The following DUT variants were observed in gnomAD, a reference collection of about 807,000 sequenced individuals.
DUT encodes the protein deoxyuridine triphosphatase, also known as deoxyuridine 5'-triphosphate nucleotidohydrolase, mitochondrial.
DUT carries 21 observed loss-of-function variants against 28.8 expected under a neutral mutation model. The observed-to-expected ratio is 0.73, with a 90% CI of 0.52 to 1.05. DUT has a LOEUF of 1.05. Ranked by LOEUF, DUT falls within the 50% of genes least tolerant of loss-of-function variation. The pLI is 0.00. For synonymous variants in DUT, 147 were observed against 143.7 expected, an observed-to-expected ratio of 1.02 and a Z score of -0.17; for missense variants, 344 against 351.8, an observed-to-expected ratio of 0.98 and a Z score of 0.18.
In DUT at chr15:48,336,216, TAGG is replaced by T. The variant is rs749514959; in HGVS notation, c.556+131_556+133del. On this transcript the variant is annotated intron_variant, in intron 4 of 6. Transcript: ENST00000331200. ...ATGATTAGAGGAAAGCTTGTTATAA[TAGG>T]AGGAAAAGCTTTGTGGTTATTTTAA... 9.4e-4 allele frequency: 688 copies of T among 728,932 alleles called. 1 individual carries two copies. The highest frequency in any genetic ancestry group is 9.2e-4 in the Non-Finnish European group (444 of 483,718). 45.2% of individuals were successfully genotyped at this position (728,932 alleles called of 1,614,324 possible). A position where few individuals can be genotyped will look rare whatever the true frequency, so the allele number is the denominator to read the frequency against.
At chr15:48,331,908 TG>T in intron 1 of DUT, 113 bp downstream of exon 1, 1 of 26,430 alleles carries the variant, frequency 3.8e-5, no homozygotes, top group Non-Finnish European at 6.7e-5. Context: ...GCGGGGGGGG[TG>T]GGGTGGTCCA....
In DUT at chr15:48,332,367, C is replaced by A. The variant is rs1306851233; in HGVS notation, c.380C>A (p.Thr127Asn). The A allele has an allele frequency of 6.3e-7, 1 of 1,593,180 alleles. No individual in the cohort carries two copies. ...ARLSEHATAP[T>N]RGSARAAGYD... is the part of the protein sequence containing the mutation. The stretch of plus-strand genomic sequence containing the variant: ...CTCTCCGAGCACGCCACGGCCCCCA[C>A]CCGGGGCTCCGCGCGCGCCGCGGGC... Residue 127 changes from threonine (T) to asparagine (N), a missense_variant, in exon 2 of 7, where the codon ACC (threonine) becomes AAC (asparagine). Coordinates refer to ENST00000331200, the MANE Select transcript of DUT (RefSeq NM_001025248.2).
intron 1 of DUT, 43 bp from the exon 2 acceptor site, chr15:48,332,225 T>G: frequency 5.2e-6 from 8 of 1,553,264 alleles, no homozygotes; most frequent in Non-Finnish European, 6.9e-6. Context: ...CCCCCGGTGG[T>G]CTCCTCGCTC....
intron 4 of DUT, among the ~76,000 whole-genome samples, chr15:48,337,224 T>C (rs2042485041): frequency 6.6e-6 from 1 of 152,168 alleles, no homozygotes; most frequent in Non-Finnish European, 1.5e-5. Context: ...CACTCTTGGG[T>C]TGAGGATTCC....
In DUT at chr15:48,331,776, A is replaced by G. The variant is rs1391887349; in HGVS notation, c.261A>G (p.Gly87=). The G allele has an allele frequency of 7.2e-7, 1 of 1,382,182 alleles. No individual in the cohort carries two copies. The highest frequency in any genetic ancestry group is 9.3e-7 in the Non-Finnish European group (1 of 1,073,276). The allele number at this position is 1,382,182 out of a possible 1,614,324, so 85.6% of individuals were successfully genotyped here. A position where few individuals can be genotyped will look rare whatever the true frequency, so the allele number is the denominator to read the frequency against. ...GWKGELPKAG[G]SPAPGPETPA... ...AGGGCGAGCTTCCTAAGGCGGGGGG[A>G]AGCCCGGCGCCGGGGCCGGGTAGGA... Residue 87 remains glycine, a synonymous_variant, in exon 1 of 7, where the codon GGA becomes GGG. Transcript: ENST00000331200.
upstream of DUT, chr15:48,331,248 G>T: frequency 2.7e-6 from 4 of 1,474,780 alleles, no homozygotes; most frequent in Non-Finnish European, 3.6e-6. Flanking sequence ...AAAAATGGGG[G>T]CCAGAGCAAA....
intron 1 of DUT, 21 bp downstream of exon 1, chr15:48,331,816 G>A (rs1272597804): frequency 7.4e-7 from 1 of 1,351,280 alleles, no homozygotes; most frequent in Admixed American, 3.9e-5. Context: ...CGGGGGAGGG[G>A]CTCCGGCCGT....
chr15:48,334,142 T>G (rs952638428), intron 2 of DUT, among the ~76,000 whole-genome samples: 1 of 152,188 alleles, frequency 6.6e-6, no homozygotes, highest in Non-Finnish European at 1.5e-5. Context: ...GGGCAAACAT[T>G]TACAATGTTG....
At position 48,343,182 on chromosome 15, in the gene DUT, AAGAG is replaced by A. The variant is rs1413637093; in HGVS notation, c.*1105_*1108del. The A allele has an allele frequency of 6.6e-6, 1 of 152,056 alleles. No homozygotes were observed. The highest frequency in any genetic ancestry group is 2.4e-5 in the African/African-American group (1 of 41,276). The allele number at this position is 152,056 out of a possible 1,614,324, so 9.4% of individuals were successfully genotyped here. A position where few individuals can be genotyped will look rare whatever the true frequency, so the allele number is the denominator to read the frequency against. ...CCACCCAGTTTGTGGAAGCACAGGCAAGAGTGTTCTTTTCTGGTGATTCTCCAGG... is the reference window on the plus strand; with the variant it reads ...CCACCCAGTTTGTGGAAGCACAGGCATGTTCTTTTCTGGTGATTCTCCAGG... On this transcript the variant is annotated 3_prime_UTR_variant, in exon 7 of 7. Transcript: ENST00000331200.
chr15:48,341,964 A>G (rs2042540648), intron 6 of DUT, 58 bp from the exon 7 acceptor site: 1 of 1,350,584 alleles, frequency 7.4e-7, no homozygotes, highest in Non-Finnish European at 1.0e-6. Context: ...GCTGGAGAGG[A>G]AAACTGAAAG....
At chr15:48,335,761 C>T (rs2042468815) in intron 3 of DUT, among the ~76,000 whole-genome samples, 1 of 152,230 alleles carries the variant, frequency 6.6e-6, no homozygotes, top group South Asian at 2.1e-4. Flanking sequence ...TTCTAGCAGT[C>T]CTTCTCCCCT....
At chr15:48,335,905 T>G (rs575995334) in intron 3 of DUT, 141 bp from the exon 4 acceptor site, 5 of 669,244 alleles carry the variant, frequency 7.5e-6, no homozygotes, top group African/African-American at 1.9e-5. Flanking sequence ...ATATATTCTT[T>G]AATTCAAAAC....
chr15:48,334,353 A>G, intron 2 of DUT, 64 bp from the exon 3 acceptor site: 2 of 1,173,984 alleles, frequency 1.7e-6, no homozygotes, highest in South Asian at 3.4e-5. Flanking sequence ...GCTTGGTCAC[A>G]AAGAAAATAT....
At chr15:48,333,296 G>T (rs2042439499) in intron 2 of DUT, among the ~76,000 whole-genome samples, 1 of 152,164 alleles carries the variant, frequency 6.6e-6, no homozygotes, top group Admixed American at 6.5e-5. Context: ...AGGAAAGTAG[G>T]TATGGACAAT....
chr15:48,339,490 A>G (rs964109862), intron 4 of DUT, among the ~76,000 whole-genome samples: 6 of 152,176 alleles, frequency 3.9e-5, no homozygotes, highest in Admixed American at 1.3e-4. Flanking sequence ...ACAACATGCT[A>G]TGTTGAGGGA....
Position 48,342,083 on chromosome 15 carries a change from T to C in DUT, c.*5T>C. The C allele has an allele frequency of 3.9e-6, 6 of 1,556,472 alleles. No individual in the cohort carries two copies. Among genetic ancestry groups the C allele is most frequent in the African/African-American group, 1.4e-5 (1 of 71,308 alleles). ...GGTTCCACTGGAAAGAATTAAAATT[T>C]ATGCCAAGAACAGAAAACAAGAAGT... On this transcript the variant is annotated 3_prime_UTR_variant, in exon 7 of 7. Coordinates refer to ENST00000331200, the MANE Select transcript of DUT (RefSeq NM_001025248.2).
In DUT at chr15:48,332,379, C is replaced by T. The variant is rs1458003329; in HGVS notation, c.392C>T (p.Ala131Val). Reference sequence around the variant, plus strand: ...GCCACGGCCCCCACCCGGGGCTCCGCGCGCGCCGCGGGCTACGACCTGTAC... The same window carrying T: ...GCCACGGCCCCCACCCGGGGCTCCGTGCGCGCCGCGGGCTACGACCTGTAC... The part of the protein sequence containing the change: ...EHATAPTRGS[A>V]RAAGYDLYSA... Residue 131 changes from alanine to valine, a missense_variant, in exon 2 of 7, where the codon GCG becomes GTG. Transcript: ENST00000331200. 1.9e-6 allele frequency: 3 copies of T among 1,585,068 alleles called. No individual in the cohort carries two copies. The East Asian group carries it at 6.8e-5, about 36-fold the overall frequency.
chr15:48,331,405 G>A (rs1039260179), upstream of DUT: 6 of 1,506,018 alleles, frequency 4.0e-6, no homozygotes, highest in South Asian at 2.6e-5. Context: ...GTCCGGCGGC[G>A]GCTGCGACTG....
At position 48,342,187 on chromosome 15, in the gene DUT, C is replaced by G. The variant is rs2042545142; in HGVS notation, c.*109C>G. On this transcript the variant is annotated 3_prime_UTR_variant, in exon 7 of 7. Coordinates refer to ENST00000331200, the MANE Select transcript of DUT (RefSeq NM_001025248.2). ...TTTTGCACTTCTGTAAACTTACTAG[C>G]TTTACCTTCTAAAAGTACTGCATTT... is the stretch of plus-strand genomic sequence containing the variant. 3.4e-6 allele frequency: 2 copies of G among 593,548 alleles called. No individual in the cohort carries two copies. Among genetic ancestry groups the G allele is most frequent in the Admixed American group, 7.4e-5 (2 of 27,208 alleles). The allele number at this position is 593,548 out of a possible 1,614,324, so 36.8% of individuals were successfully genotyped here. A position where few individuals can be genotyped will look rare whatever the true frequency, so the allele number is the denominator to read the frequency against.
Sources: gnomAD v4.1 joint callset for allele counts (sites outside exome capture counted in the v4.1 genomes callset) on GRCh38, gnomAD v4.1.1 for gene constraint, MANE v1.5 for transcripts, NCBI Gene and HGNC (gene_info 2026-07-23, HGNC 2026-07-21) for gene names.